Variants in CLNK observed in about 807,000 individuals in gnomAD.
CLNK encodes cytokine dependent hematopoietic cell linker.
In CLNK, 74 loss-of-function variants were observed where a neutral mutation model predicts 68.6. That is an observed-to-expected ratio of 1.08 (90% CI 0.89 to 1.31). CLNK has a LOEUF of 1.31. Ranked by LOEUF, CLNK falls within the 50% of genes most tolerant of loss-of-function variation. CLNK has a pLI of 0.00. For missense variants in CLNK, 553 were observed against 515.3 expected (o/e 1.07, Z -0.71); for synonymous variants, 198 against 172.2 (o/e 1.15, Z -1.17).
intron 2 of CLNK, among the ~76,000 whole-genome samples, chr4:10,634,228 G>T (rs528582377): frequency 1.3e-5 from 2 of 152,162 alleles, no homozygotes; most frequent in Non-Finnish European, 2.9e-5. Context: ...GGGGAGGAAG[G>T]TTAAATATTT....
chr4:10,628,312 G>GT (rs367697543), intron 2 of CLNK, among the ~76,000 whole-genome samples: 98,854 of 146,684 alleles, frequency 0.67, 34,136 homozygotes, highest in East Asian at 0.76. Context: ...AGTTAGACTT[G>GT]TTTTTTTTTT....
chr4:10,567,700 T>TA (rs1378850486), intron 5 of CLNK, among the ~76,000 whole-genome samples: 5 of 152,198 alleles, frequency 3.3e-5, no homozygotes, highest in Non-Finnish European at 7.3e-5. Flanking sequence ...ATCCAGAGTA[T>TA]ATGAAAAACT....
At chr4:10,637,520 A>C (rs887247543) in intron 2 of CLNK, among the ~76,000 whole-genome samples, 4 of 146,672 alleles carry the variant, frequency 2.7e-5, no homozygotes, top group African/African-American at 1.0e-4. Context: ...AAAACATTAG[A>C]ATCACATGTA....
the CLNK span, among the ~76,000 whole-genome samples, chr4:10,701,678 T>G: frequency 2.9e-4 from 44 of 152,362 alleles, no homozygotes; most frequent in African/African-American, 9.4e-4. Context: ...TCACATTTAT[T>G]AGCTCATTTG....
chr4:10,568,569 A>G (rs1470030770), intron 5 of CLNK, among the ~76,000 whole-genome samples: 1 of 152,248 alleles, frequency 6.6e-6, no homozygotes, highest in Non-Finnish European at 1.5e-5. Context: ...GAAAGGAAGT[A>G]GACAAGAAAG....
chr4:10,683,424 C>T (rs1172612096), intron 1 of CLNK, among the ~76,000 whole-genome samples: 1 of 152,156 alleles, frequency 6.6e-6, no homozygotes, highest in Non-Finnish European at 1.5e-5. Flanking sequence ...TGTCAGAGAC[C>T]ACCCAGGAGT....
At chr4:10,574,087 C>T (rs1202174894) in intron 4 of CLNK, among the ~76,000 whole-genome samples, 1 of 152,156 alleles carries the variant, frequency 6.6e-6, no homozygotes, top group Non-Finnish European at 1.5e-5. Context: ...TCTCAGTCTC[C>T]TAGAGTACCT....
At chr4:10,571,873 G>T in intron 4 of CLNK, 95 bp from the exon 5 acceptor site, 1 of 984,190 alleles carries the variant, frequency 1.0e-6, no homozygotes, top group Non-Finnish European at 1.6e-6. Context: ...GAAATCTTTT[G>T]TCAGTTTTAA....
In CLNK at chr4:10,489,108, G is replaced by A. The variant is rs544927597; in HGVS notation, c.*1359C>T. 1.3e-5 allele frequency: 2 copies of A among 151,422 alleles called. No homozygotes were observed. Among genetic ancestry groups the A allele is most frequent in the Admixed American group, 6.6e-5 (1 of 15,196 alleles). 9.4% of individuals were successfully genotyped at this position (151,422 alleles called of 1,614,324 possible). A position where few individuals can be genotyped will look rare whatever the true frequency, so the allele number is the denominator to read the frequency against. ...TAGCTTTTCAACTTGATTGTAAAAT[G>A]TCACAGCGCAGAGAATGTACCTGGG... On this transcript the variant is annotated 3_prime_UTR_variant, in exon 19 of 19. Coordinates refer to ENST00000226951, the MANE Select transcript of CLNK (RefSeq NM_052964.4).
Position 10,489,733 on chromosome 4 carries a change from T to G in CLNK, c.*734A>C, listed in dbSNP as rs11725411. The stretch of plus-strand genomic sequence containing the variant: ...CTGGATTGGAGTGCAGTGGCGCGAT[T>G]TCGGCTCACTGCAAGCTCCGCCTCC... On this transcript the variant is annotated 3_prime_UTR_variant, in exon 19 of 19. Coordinates refer to ENST00000226951, the MANE Select transcript of CLNK (RefSeq NM_052964.4). 7.3e-5 allele frequency: 2 copies of G among 27,250 alleles called. No individual in the cohort carries two copies. Among genetic ancestry groups the G allele is most frequent in the Non-Finnish European group, 9.8e-5 (1 of 10,214 alleles). The allele number at this position is 27,250 out of a possible 1,614,324, so 1.7% of individuals were successfully genotyped here.
chr4:10,583,715 C>T (rs993200041), intron 4 of CLNK, among the ~76,000 whole-genome samples: 1 of 152,098 alleles, frequency 6.6e-6, no homozygotes, highest in African/African-American at 2.4e-5. Context: ...TGTGGGGTTT[C>T]GATTTGTTTT....
chr4:10,528,364 CATAA>C (rs1180329173), intron 12 of CLNK, among the ~76,000 whole-genome samples: 7 of 152,276 alleles, frequency 4.6e-5, no homozygotes, highest in African/African-American at 1.4e-4. Context: ...AGGAATTTAC[CATAA>C]TTATCAAAAA....
chr4:10,499,716 C>T (rs1051456618), intron 18 of CLNK, among the ~76,000 whole-genome samples: 6 of 152,180 alleles, frequency 3.9e-5, no homozygotes, highest in Admixed American at 6.5e-5. Flanking sequence ...TGTCTTTCTT[C>T]GCAGTTCTCG....
At chr4:10,699,416 C>A in the CLNK span, among the ~76,000 whole-genome samples, 1 of 133,618 alleles carries the variant, frequency 7.5e-6, no homozygotes, top group Non-Finnish European at 1.6e-5. Flanking sequence ...GTTCAAGTCC[C>A]TTACATAAAA....
At chr4:10,523,544 G>A (rs1453078405) in intron 14 of CLNK, among the ~76,000 whole-genome samples, 2 of 152,174 alleles carry the variant, frequency 1.3e-5, no homozygotes, top group Non-Finnish European at 2.9e-5. Context: ...GGAATTAGAA[G>A]AAGCAGCAGC....
chr4:10,630,315 C>A (rs1248606948), intron 2 of CLNK, among the ~76,000 whole-genome samples: 2 of 152,172 alleles, frequency 1.3e-5, no homozygotes, highest in African/African-American at 4.8e-5. Context: ...GACTCTGTGA[C>A]CATTCTGAAG....
intron 2 of CLNK, among the ~76,000 whole-genome samples, chr4:10,603,809 C>T (rs1365825176): frequency 6.6e-6 from 1 of 152,050 alleles, no homozygotes; most frequent in Non-Finnish European, 1.5e-5. Flanking sequence ...AGGCAATTCC[C>T]AAAAAAGGTT....
chr4:10,498,151 C>T (rs984393493), intron 18 of CLNK, among the ~76,000 whole-genome samples: 4 of 151,576 alleles, frequency 2.6e-5, no homozygotes, highest in Non-Finnish European at 4.4e-5. Flanking sequence ...GCCAAGATCA[C>T]GCCATTGCAT....
Position 10,575,311 on chromosome 4 carries a change from G to A in CLNK, c.113-3533C>T, listed in dbSNP as rs369657147. On this transcript the variant is annotated intron_variant, in intron 4 of 18. Coordinates refer to ENST00000226951, the MANE Select transcript of CLNK (RefSeq NM_052964.4). ...GAGTCTGCCAGCACACCCAGCTCAC[G>A]CTACTTCAGGAGCTTGCACACACCA... 3.7e-4 allele frequency among the ~76,000 whole-genome samples: 57 copies of A among 152,280 alleles called. 1 individual carries two copies. In the South Asian group the frequency reaches 8.5e-3, roughly 23 times the overall value.
Sources: allele counts gnomAD v4.1 joint callset (sites outside exome capture counted in the v4.1 genomes callset), GRCh38; gene constraint gnomAD v4.1.1; transcripts MANE v1.5; gene names NCBI Gene and HGNC (gene_info 2026-07-23, HGNC 2026-07-21).